Variants in MYO3A observed in about 807,000 individuals in gnomAD.
MYO3A encodes the protein myosin-IIIa.
MYO3A carries 180 observed loss-of-function variants against 192.7 expected under a neutral mutation model. The observed-to-expected ratio is 0.93, with a 90% confidence interval of 0.83 to 1.06. The LOEUF (loss-of-function observed/expected upper bound fraction) is 1.06, where lower values mean the gene tolerates loss of function less well. MYO3A is among the 50% of genes least tolerant of loss of function. The probability of loss-of-function intolerance (pLI) is 0.00; values close to 1 mark genes in which losing one functional copy is unlikely to be tolerated. For synonymous variants in MYO3A, 628 were observed against 645.3 expected (o/e 0.97, Z 0.41); for missense variants, 1,896 against 1,905.0 (o/e 1.00, Z 0.09).
At chr10:26,114,562 A>G (rs1838390830) in intron 17 of MYO3A, among the ~76,000 whole-genome samples, 1 of 149,962 alleles carries the variant, frequency 6.7e-6, no homozygotes, top group Non-Finnish European at 1.5e-5. Flanking sequence ...GTTTGACGTC[A>G]AAAGAAGAGG....
intron 10 of MYO3A, among the ~76,000 whole-genome samples, chr10:26,064,833 T>A (rs1834712158): frequency 6.6e-6 from 1 of 152,092 alleles, no homozygotes; most frequent in South Asian, 2.1e-4. Flanking sequence ...TGAAGAATCA[T>A]AGGAAGGAGT....
At chr10:26,178,788 A>G (rs1193713021) in intron 31 of MYO3A, among the ~76,000 whole-genome samples, 1 of 151,666 alleles carries the variant, frequency 6.6e-6, no homozygotes, top group Non-Finnish European at 1.5e-5. Flanking sequence ...TCTGCTTTAA[A>G]TGTTTATTTA....
At chr10:26,071,735 T>C (rs1271636187) in intron 14 of MYO3A, among the ~76,000 whole-genome samples, 1 of 152,112 alleles carries the variant, frequency 6.6e-6, no homozygotes, top group African/African-American at 2.4e-5. Context: ...CCAAAGAGGA[T>C]ATGTATGGTA....
intron 31 of MYO3A, among the ~76,000 whole-genome samples, chr10:26,189,408 A>G (rs1843018516): frequency 6.6e-6 from 1 of 152,236 alleles, no homozygotes; most frequent in Non-Finnish European, 1.5e-5. Flanking sequence ...GCAACTAGCA[A>G]GTACCATTTA....
At chr10:26,066,927 C>A in intron 10 of MYO3A, 48 bp from the exon 11 acceptor site, 1 of 1,360,292 alleles carries the variant, frequency 7.4e-7, no homozygotes, top group Non-Finnish European at 1.1e-6. Flanking sequence ...CTTTTTTCCA[C>A]TATGAGCAGT....
At chr10:26,145,813 T>C (rs1316252625) in intron 22 of MYO3A, among the ~76,000 whole-genome samples, 1 of 152,198 alleles carries the variant, frequency 6.6e-6, no homozygotes, top group Non-Finnish European at 1.5e-5. Context: ...AGTTTAACAA[T>C]CATAAGTTTA....
chr10:25,966,500 A>C (rs1289674606), intron 4 of MYO3A, among the ~76,000 whole-genome samples: 1 of 152,232 alleles, frequency 6.6e-6, no homozygotes, highest in African/African-American at 2.4e-5. Context: ...TAGGAAAGAG[A>C]AAACCTTTTG....
chr10:26,207,909 G>A (rs551880349), intron 34 of MYO3A, among the ~76,000 whole-genome samples: 14 of 152,196 alleles, frequency 9.2e-5, no homozygotes, highest in South Asian at 2.1e-4. Flanking sequence ...CCATGAACAC[G>A]GAATATCTTT....
chr10:26,011,291 G>A (rs78331899), intron 6 of MYO3A, among the ~76,000 whole-genome samples: 248 of 152,138 alleles, frequency 1.6e-3, no homozygotes, highest in African/African-American at 5.6e-3. Flanking sequence ...AAAGTCAGCC[G>A]GGTGTGGTAG....
At chr10:26,123,008 T>C (rs369476813) in intron 18 of MYO3A, among the ~76,000 whole-genome samples, 32 of 152,310 alleles carry the variant, frequency 2.1e-4, no homozygotes, top group African/African-American at 7.5e-4. Flanking sequence ...ATCGGTATTG[T>C]AGGGAACTAG....
At chr10:26,193,927 CT>C (rs1292894769) in intron 32 of MYO3A, among the ~76,000 whole-genome samples, 2 of 152,150 alleles carry the variant, frequency 1.3e-5, no homozygotes, top group Non-Finnish European at 2.9e-5. Context: ...GGCGTTGCCC[CT>C]GATCGCCTGG....
At chr10:26,109,391 T>C (rs1468622694) in intron 17 of MYO3A, among the ~76,000 whole-genome samples, 1 of 152,222 alleles carries the variant, frequency 6.6e-6, no homozygotes, top group African/African-American at 2.4e-5. Context: ...CAGTTTTAAA[T>C]AGCATGCTGT....
intron 4 of MYO3A, among the ~76,000 whole-genome samples, chr10:25,986,034 A>G (rs192794372): frequency 3.7e-4 from 57 of 152,334 alleles, no homozygotes; most frequent in African/African-American, 1.1e-3. Context: ...TATACCAGGG[A>G]TCCAGGGATA....
At chr10:25,960,129 C>A (rs957065909) in intron 4 of MYO3A, among the ~76,000 whole-genome samples, 3 of 151,954 alleles carry the variant, frequency 2.0e-5, no homozygotes, top group Non-Finnish European at 2.9e-5. Context: ...GCTCAGTGTT[C>A]TCCTTTTTTC....
At chr10:26,085,789 A>G (rs1193681852) in intron 14 of MYO3A, among the ~76,000 whole-genome samples, 1 of 152,236 alleles carries the variant, frequency 6.6e-6, no homozygotes, top group African/African-American at 2.4e-5. Context: ...TGTCCACAGT[A>G]GTGAGAGAGG....
Position 26,173,915 on chromosome 10 carries a change from T to C in MYO3A, c.3651T>C (p.Ser1217=). Residue 1217 remains serine (S), a synonymous_variant, in exon 30 of 35, where the codon TCT becomes TCC. Transcript: ENST00000642920. ...CAGAAGTAAGCCCCAAACAGAAGTC[T>C]GTCAAAGACCTGGAAGAGAACAGCA... The part of the protein sequence containing the change: ...VGPEVSPKQK[S]VKDLEENSNL... The C allele has an allele frequency of 1.2e-6, 2 of 1,613,484 alleles. No individual in the cohort carries two copies. The highest frequency in any genetic ancestry group is 1.7e-6 in the Non-Finnish European group (2 of 1,179,922).
rs1421727248 is a variant in MYO3A, at chr10:26,120,530, A to G, written c.1777-146A>G. On this transcript the variant is annotated intron_variant, in intron 17 of 34. Transcript: ENST00000642920. ...TAAAATAATGAATGAGGCTGAGCCTACTTGGATCTCAGTGTGGCGTCATCA... is the reference window on the plus strand; with the variant it reads ...TAAAATAATGAATGAGGCTGAGCCTGCTTGGATCTCAGTGTGGCGTCATCA... The G allele has an allele frequency of 7.8e-6, 8 of 1,025,362 alleles. No homozygotes were observed. The Admixed American group carries it at 8.7e-5, about 11-fold the overall frequency. The allele number at this position is 1,025,362 out of a possible 1,614,324, so 63.5% of individuals were successfully genotyped here.
intron 15 of MYO3A, among the ~76,000 whole-genome samples, chr10:26,089,731 T>G (rs1239149978): frequency 6.6e-6 from 1 of 152,192 alleles, no homozygotes; most frequent in Non-Finnish European, 1.5e-5. Context: ...GCTCTGTAAT[T>G]CATTGTATGT....
At chr10:25,959,306 CA>C (rs1200612143) in intron 4 of MYO3A, among the ~76,000 whole-genome samples, 2 of 151,980 alleles carry the variant, frequency 1.3e-5, no homozygotes, top group Non-Finnish European at 2.9e-5. Flanking sequence ...TAGTTTTAAT[CA>C]TTGTTATGTT....
Sources: allele counts gnomAD v4.1 joint callset (sites outside exome capture counted in the v4.1 genomes callset), GRCh38; gene constraint gnomAD v4.1.1; transcripts MANE v1.5; gene names NCBI Gene and HGNC (gene_info 2026-07-23, HGNC 2026-07-21).